Variants in SLC26A7 observed in about 807,000 individuals in gnomAD.
SLC26A7 encodes solute carrier family 26 member 7.
Under a neutral mutation model 82.5 loss-of-function variants are expected in SLC26A7, and 59 were observed. The observed-to-expected ratio is 0.72, with a 90% CI of 0.58 to 0.89. The LOEUF (loss-of-function observed/expected upper bound fraction) is 0.89. Among genes scored for constraint, SLC26A7 ranks in the 40% least tolerant of loss-of-function variants. SLC26A7 has a pLI of 0.00. For synonymous variants in SLC26A7, 271 were observed against 274.3 expected, an observed-to-expected ratio of 0.99 and a Z score of 0.12; for missense variants, 820 against 793.0, an observed-to-expected ratio of 1.03 and a Z score of -0.41.
chr8:91,358,884 G>A (rs1362752121), intron 11 of SLC26A7, among the ~76,000 whole-genome samples: 1 of 152,044 alleles, frequency 6.6e-6, no homozygotes, highest in Non-Finnish European at 1.5e-5. Context: ...TGAACAATGA[G>A]AACACTCGGA....
rs76840063 is a variant in SLC26A7, at chr8:91,390,034, A to T, written c.1776+596A>T. Among the ~76,000 whole-genome samples the T allele has an allele frequency of 5.3e-3, 810 of 152,208 alleles. 12 individuals are homozygous for T. Among genetic ancestry groups the T allele is most frequent in the African/African-American group, 0.018 (733 of 41,526 alleles). The stretch of plus-strand genomic sequence containing the variant: ...CATAGCTTCCAAACCTCATTTCCAC[A>T]GATGGAAGAACACCTAATTTTGCCA... On this transcript the variant is annotated intron_variant, in intron 16 of 18. Coordinates refer to ENST00000276609, the MANE Select transcript of SLC26A7 (RefSeq NM_052832.4).
intron 3 of SLC26A7, among the ~76,000 whole-genome samples, chr8:91,289,842 G>GT (rs761477530): frequency 3.3e-5 from 5 of 152,098 alleles, no homozygotes; most frequent in African/African-American, 4.8e-5. Context: ...TTTACTTGGT[G>GT]TAACTCTTAC....
chr8:91,241,434 T>G (rs1264099701), intron 2 of SLC26A7, among the ~76,000 whole-genome samples: 1 of 152,146 alleles, frequency 6.6e-6, no homozygotes, highest in Non-Finnish European at 1.5e-5. Flanking sequence ...ATCTACTTTA[T>G]AACAGTAATT....
chr8:91,397,931 T>C lies in SLC26A7; in HGVS notation c.*2834T>C, dbSNP rs1586490889. On this transcript the variant is annotated 3_prime_UTR_variant, in exon 19 of 19. Transcript: ENST00000276609. Reference sequence around the variant, plus strand: ...TAATCTAATTCAGTATAGAATATGCTGTTTGGCAATGAGTTTGTGGCCAGA... The same window carrying C: ...TAATCTAATTCAGTATAGAATATGCCGTTTGGCAATGAGTTTGTGGCCAGA... 1 of 152,552 alleles carries C rather than the reference T, an allele frequency of 6.6e-6. No homozygotes were observed. The highest frequency in any genetic ancestry group is 1.9e-4 in the East Asian group (1 of 5,194). The allele number at this position is 152,552 out of a possible 1,614,324, so 9.4% of individuals were successfully genotyped here. A position where few individuals can be genotyped will look rare whatever the true frequency, so the allele number is the denominator to read the frequency against.
intron 5 of SLC26A7, among the ~76,000 whole-genome samples, chr8:91,331,964 T>C (rs573166851): frequency 6.6e-6 from 1 of 152,058 alleles, no homozygotes; most frequent in African/African-American, 2.4e-5. Context: ...TATCTGTTTA[T>C]GTCCTCTGCT....
chr8:91,376,750 G>A (rs1270048984), intron 15 of SLC26A7, among the ~76,000 whole-genome samples: 3 of 152,258 alleles, frequency 2.0e-5, no homozygotes, highest in Non-Finnish European at 2.9e-5. Flanking sequence ...ATGAGTGGAA[G>A]CACTCAGTCT....
intron 4 of SLC26A7, among the ~76,000 whole-genome samples, chr8:91,317,952 AT>A: frequency 6.8e-6 from 1 of 146,990 alleles, no homozygotes; most frequent in African/African-American, 2.5e-5. Flanking sequence ...ATATATATAT[AT>A]ATATAAAATA....
At chr8:91,306,119 G>T (rs984898083) in intron 4 of SLC26A7, among the ~76,000 whole-genome samples, 12 of 152,126 alleles carry the variant, frequency 7.9e-5, no homozygotes, top group African/African-American at 2.9e-4. Flanking sequence ...GTTACTTCCA[G>T]ACTTGCTGTG....
At chr8:91,318,930 T>C (rs1033155933) in intron 5 of SLC26A7, among the ~76,000 whole-genome samples, 13 of 152,348 alleles carry the variant, frequency 8.5e-5, no homozygotes, top group Non-Finnish European at 1.5e-4. Flanking sequence ...ACCTAAAATC[T>C]ATAACCGCTC....
At chr8:91,327,394 A>C (rs1444214209) in intron 5 of SLC26A7, among the ~76,000 whole-genome samples, 2 of 152,214 alleles carry the variant, frequency 1.3e-5, no homozygotes. Context: ...AATTTTATTC[A>C]ACATAGGACT....
chr8:91,295,798 C>A, intron 4 of SLC26A7, 95 bp downstream of exon 4: 2 of 1,287,940 alleles, frequency 1.6e-6, no homozygotes, highest in South Asian at 1.5e-5. Flanking sequence ...ATGAATTTGT[C>A]TTTATAGGTG....
intron 5 of SLC26A7, among the ~76,000 whole-genome samples, chr8:91,319,009 CT>C (rs1267205281): frequency 4.6e-5 from 7 of 152,260 alleles, no homozygotes; most frequent in Admixed American, 6.5e-5. Context: ...GACAACCAAA[CT>C]TTGTTTTGTT....
At chr8:91,277,530 T>A (rs760957683) in intron 2 of SLC26A7, among the ~76,000 whole-genome samples, 44 of 152,342 alleles carry the variant, frequency 2.9e-4, no homozygotes, top group Non-Finnish European at 5.9e-4. Flanking sequence ...GGCATCAAAG[T>A]GGCTGCAATA....
intron 2 of SLC26A7, among the ~76,000 whole-genome samples, chr8:91,259,224 A>G (rs1810893046): frequency 6.6e-6 from 1 of 152,074 alleles, no homozygotes; most frequent in South Asian, 2.1e-4. Flanking sequence ...CAGGTTCCAT[A>G]TTCCCAAATG....
chr8:91,343,747 CTCTT>C (rs1200961256), intron 9 of SLC26A7, among the ~76,000 whole-genome samples: 1 of 152,152 alleles, frequency 6.6e-6, no homozygotes, highest in African/African-American at 2.4e-5. Context: ...TGGTGCCTCT[CTCTT>C]TCTTTCTAAT....
chr8:91,366,618 C>T lies in SLC26A7; in HGVS notation c.1527C>T (p.Asn509=). The T allele has an allele frequency of 6.2e-7, 1 of 1,613,502 alleles. No individual in the cohort carries two copies. The highest frequency in any genetic ancestry group is 8.5e-7 in the Non-Finnish European group (1 of 1,179,818). Reference sequence around the variant, plus strand: ...AGGTGAAAATTATCTCAATAAACAACCCGCTTGTTTTCCTGAATGCAAAAA... The same window carrying T: ...AGGTGAAAATTATCTCAATAAACAATCCGCTTGTTTTCCTGAATGCAAAAA... ...LQQVKIISIN[N]PLVFLNAKKF... Residue 509 remains asparagine (N), a synonymous_variant, in exon 14 of 19, where the codon AAC becomes AAT. Coordinates refer to ENST00000276609, the MANE Select transcript of SLC26A7 (RefSeq NM_052832.4).
At chr8:91,290,260 G>T (rs1469137866) in intron 3 of SLC26A7, among the ~76,000 whole-genome samples, 1 of 152,042 alleles carries the variant, frequency 6.6e-6, no homozygotes, top group African/African-American at 2.4e-5. Context: ...TGGTCATTTT[G>T]TGTTATTGAT....
intron 1 of SLC26A7, among the ~76,000 whole-genome samples, chr8:91,211,135 T>C (rs1809907764): frequency 1.3e-5 from 2 of 152,148 alleles, no homozygotes; most frequent in African/African-American, 4.8e-5. Context: ...TGTAGACTTA[T>C]ATGTGTAGAT....
Position 91,393,860 on chromosome 8 carries a change from A to G in SLC26A7, c.1831+9A>G. 6.2e-7 allele frequency: 1 copy of G among 1,613,650 alleles called. No individual in the cohort carries two copies. The highest frequency in any genetic ancestry group is 1.3e-5 in the African/African-American group (1 of 75,038). On this transcript the variant is annotated intron_variant, in intron 17 of 18. Transcript: ENST00000276609. ...GTTAGCCCATTGTACAGGTAAGAGA[A>G]TGTCCCTGACTAACGTTGAATGTGA...
Sources: gnomAD v4.1 joint callset for allele counts (sites outside exome capture counted in the v4.1 genomes callset) on GRCh38, gnomAD v4.1.1 for gene constraint, MANE v1.5 for transcripts, NCBI Gene and HGNC (gene_info 2026-07-23, HGNC 2026-07-21) for gene names.